ZNF836: variants seen among roughly 807,000 people sequenced by gnomAD.
ZNF836 encodes zinc finger protein 836.
In ZNF836, 12 loss-of-function variants were observed where a neutral mutation model predicts 7.4. The ratio of observed to expected loss-of-function variants is 1.61; its 90% confidence interval spans 1.03 to 2.61. ZNF836 has a LOEUF of 2.61. Among genes scored for constraint, ZNF836 ranks in the 30% most tolerant of loss-of-function variants. The probability of loss-of-function intolerance (pLI) is 0.00; values close to 1 mark genes in which losing one functional copy is unlikely to be tolerated. For missense variants in ZNF836, 998 were observed against 1,126.2 expected, an observed-to-expected ratio of 0.89 and a Z score of 1.63; for synonymous variants, 365 against 382.6, an observed-to-expected ratio of 0.95 and a Z score of 0.54.
chr19:52,166,050 GGT>G (rs1262251666), intron 3 of ZNF836, among the ~76,000 whole-genome samples: 24 of 152,090 alleles, frequency 1.6e-4, no homozygotes, highest in African/African-American at 4.6e-4. Context: ...GGAGTGCAAT[GGT>G]GCAATCTCAG....
intron 3 of ZNF836, among the ~76,000 whole-genome samples, chr19:52,166,740 AT>A (rs942166043): frequency 0.027 from 3,878 of 144,600 alleles, 154 homozygotes; most frequent in African/African-American, 0.09. Flanking sequence ...CGCCCAGCTA[AT>A]TTTTTTTTTT....
intron 3 of ZNF836, among the ~76,000 whole-genome samples, chr19:52,166,343 C>A (rs111377561): frequency 6.3e-4 from 95 of 151,990 alleles, no homozygotes; most frequent in African/African-American, 2.2e-3. Flanking sequence ...TGAAATGTTT[C>A]CTTGATGCCC....
chr19:52,154,871 A>G lies in ZNF836; in HGVS notation c.*1T>C. Reference sequence around the variant, plus strand: ...ATACAAGCTATATCAATAAGTATGAATTATTTGAACCCAGAAGTTAGGAGA... The same window carrying G: ...ATACAAGCTATATCAATAAGTATGAGTTATTTGAACCCAGAAGTTAGGAGA... On this transcript the variant is annotated 3_prime_UTR_variant, in exon 5 of 5. Coordinates refer to ENST00000682614, the MANE Select transcript of ZNF836 (RefSeq NM_001102657.3). 1 of 1,510,390 alleles carries G rather than the reference A, an allele frequency of 6.6e-7. No homozygotes were observed. Among genetic ancestry groups the G allele is most frequent in the African/African-American group, 1.4e-5 (1 of 71,740 alleles). 93.6% of individuals were successfully genotyped at this position (1,510,390 alleles called of 1,614,324 possible).
In ZNF836 at chr19:52,156,266, T is replaced by A. The variant is rs770409703; in HGVS notation, c.1417A>T (p.Asn473Tyr). ...SHTGEKPYKC[N>Y]ECGKVFSQTS... ...TGACTGAAGACCTTGCCACATTCAT[T>A]GCATTTGTAAGGTTTCTCTCCAGTA... is the stretch of plus-strand genomic sequence containing the variant. Residue 473 changes from asparagine to tyrosine, a missense_variant, in exon 5 of 5, where the codon AAT becomes TAT. Physicochemically the swap from Asn to Tyr is moderately radical, Grantham distance 143 (BLOSUM62 -2). Coordinates refer to ENST00000682614, the MANE Select transcript of ZNF836 (RefSeq NM_001102657.3). The A allele has an allele frequency of 1.2e-6, 2 of 1,613,758 alleles. No individual in the cohort carries two copies. Among genetic ancestry groups the A allele is most frequent in the African/African-American group, 2.7e-5 (2 of 74,844 alleles).
At position 52,155,942 on chromosome 19, in the gene ZNF836, G is replaced by A. The variant is rs767831643; in HGVS notation, c.1741C>T (p.Pro581Ser). ...IHKRIHTGEK[P>S]FQCNECGTVF... is the part of the protein sequence containing the mutation. ...GTGCCACATTCATTACATTGGAAAG[G>A]TTTCTCTCCCGTATGTATTCTCTTA... Residue 581 changes from proline (P) to serine (S), a missense_variant, in exon 5 of 5, where the codon CCT becomes TCT. Coordinates refer to ENST00000682614, the MANE Select transcript of ZNF836 (RefSeq NM_001102657.3). 6.2e-7 allele frequency: 1 copy of A among 1,613,918 alleles called. No homozygotes were observed. The highest frequency in any genetic ancestry group is 1.7e-5 in the Admixed American group (1 of 60,004).
Position 52,155,291 on chromosome 19 carries a change from T to G in ZNF836, c.2392A>C (p.Ser798Arg). The G allele has an allele frequency of 1.2e-6, 2 of 1,613,884 alleles. No individual in the cohort carries two copies. The highest frequency in any genetic ancestry group is 1.1e-5 in the South Asian group (1 of 91,078). The change falls in exon 5 of 5, where the codon AGT (serine) becomes CGT (arginine). Residue 798 changes from serine to arginine, a missense_variant. Ser to Arg is a moderately radical substitution (Grantham distance 110). Transcript: ENST00000682614. ...RHQSTLARHR[S>R]IHTGEKPYVC... ...TAAGGTTTCTCTCCAGTATGAATACTCCGATGACGTGCTAGTGTTGATTGA... is the reference window on the plus strand; with the variant it reads ...TAAGGTTTCTCTCCAGTATGAATACGCCGATGACGTGCTAGTGTTGATTGA...
chr19:52,157,514 C>T lies in ZNF836; in HGVS notation c.169G>A (p.Glu57Lys). 6.5e-7 allele frequency: 1 copy of T among 1,539,282 alleles called. No homozygotes were observed. The highest frequency in any genetic ancestry group is 8.7e-7 in the Non-Finnish European group (1 of 1,149,536). The change falls in exon 5 of 5, where the codon GAA becomes AAA. Residue 57 changes from glutamate to lysine, a missense_variant. Physicochemically the swap from Glu to Lys is moderately conservative, Grantham distance 56. Coordinates refer to ENST00000682614, the MANE Select transcript of ZNF836 (RefSeq NM_001102657.3). ...TTACTGTTCCCTATTGGTGGTAATT[C>T]CTTGGTCATACATTTAGGAAGGATA... ...LGILPKCMTK[E>K]LPPIGNSNTG...
Position 52,154,861 on chromosome 19 carries a change from ATAAG to A in ZNF836, c.*7_*10del, listed in dbSNP as rs1568568194. The A allele has an allele frequency of 6.7e-7, 1 of 1,499,530 alleles. No individual in the cohort carries two copies. 92.9% of individuals were successfully genotyped at this position (1,499,530 alleles called of 1,614,324 possible). On this transcript the variant is annotated 3_prime_UTR_variant, in exon 5 of 5. Coordinates refer to ENST00000682614, the MANE Select transcript of ZNF836 (RefSeq NM_001102657.3). ...AGTGACAAATATACAAGCTATATCA[ATAAG>A]TATGAATTATTTGAACCCAGAAGTT...
At position 52,168,138 on chromosome 19, in the gene ZNF836, C is replaced by G; in HGVS notation, c.-66G>C. ...TCTCTCTCAGTCAATATAATTAATT[C>G]TTTACAAGTCAAATCTGAAAGTGAA... On this transcript the variant is annotated 5_prime_UTR_variant, in exon 3 of 5. Coordinates refer to ENST00000682614, the MANE Select transcript of ZNF836 (RefSeq NM_001102657.3). 1.3e-6 allele frequency: 2 copies of G among 1,574,584 alleles called. No homozygotes were observed. The highest frequency in any genetic ancestry group is 4.0e-5 in the Admixed American group (2 of 50,182).
At position 52,155,569 on chromosome 19, in the gene ZNF836, T is replaced by C; in HGVS notation, c.2114A>G (p.Gln705Arg). Residue 705 changes from glutamine to arginine, a missense_variant, in exon 5 of 5, where the codon CAA becomes CGA. Gln to Arg is a conservative substitution (Grantham distance 43, BLOSUM62 1). Transcript: ENST00000682614. Reference protein sequence around the residue: ...NCNEFGGAFIQSSKLARYHRN... With the variant: ...NCNEFGGAFIRSSKLARYHRN... ...GTGATATCTTGCAAGTTTTGAACTTTGGATAAATGCCCCTCCAAACTCATT... is the reference window on the plus strand; with the variant it reads ...GTGATATCTTGCAAGTTTTGAACTTCGGATAAATGCCCCTCCAAACTCATT... 6.2e-7 allele frequency: 1 copy of C among 1,614,006 alleles called. No individual in the cohort carries two copies. The highest frequency in any genetic ancestry group is 8.5e-7 in the Non-Finnish European group (1 of 1,179,898).
At chr19:52,157,799 G>C (rs1408412852) in intron 4 of ZNF836, among the ~76,000 whole-genome samples, 1 of 152,070 alleles carries the variant, frequency 6.6e-6, no homozygotes, top group Non-Finnish European at 1.5e-5. Flanking sequence ...TCGAACTCCT[G>C]ACCTCGTGAT....
At chr19:52,170,720 T>A (rs151038815) in intron 1 of ZNF836, among the ~76,000 whole-genome samples, 49 of 152,296 alleles carry the variant, frequency 3.2e-4, no homozygotes, top group African/African-American at 1.2e-3. Flanking sequence ...TTTTGCCGTG[T>A]ATTTATGGGT....
Position 52,157,203 on chromosome 19 carries a change from T to A in ZNF836, c.480A>T (p.Lys160Asn). The change falls in exon 5 of 5, where the codon AAA (lysine) becomes AAT (asparagine). Residue 160 changes from lysine (K) to asparagine (N), a missense_variant. Coordinates refer to ENST00000682614, the MANE Select transcript of ZNF836 (RefSeq NM_001102657.3). ...TCTCAGATTGGTTACACTCATAAAT[T>A]TTCCCTTCAGTTTGAAATTTCTGCA... ...TELQKFQTEG[K>N]IYECNQSEKT... The A allele has an allele frequency of 1.2e-6, 2 of 1,612,320 alleles. No homozygotes were observed. Among genetic ancestry groups the A allele is most frequent in the South Asian group, 2.2e-5 (2 of 90,924 alleles).
rs1279922910 is a variant in ZNF836, at chr19:52,169,755, T to G, written c.-188A>C. On this transcript the variant is annotated 5_prime_UTR_variant, in exon 2 of 5. Transcript: ENST00000682614. ...CTGCAGTGAGCGGAGATCATGGCAC[T>G]GTACTCTAGTCTGACAGAGCAAGAC... 1.3e-5 allele frequency: 2 copies of G among 150,186 alleles called. No individual in the cohort carries two copies. The highest frequency in any genetic ancestry group is 4.9e-5 in the African/African-American group (2 of 40,590). The allele number at this position is 150,186 out of a possible 1,614,324, so 9.3% of individuals were successfully genotyped here. A position where few individuals can be genotyped will look rare whatever the true frequency, so the allele number is the denominator to read the frequency against.
At chr19:52,164,031 A>AGAAGGAAGGAAGGAAGGAAG (rs1042875086) in intron 3 of ZNF836, among the ~76,000 whole-genome samples, 1 of 143,630 alleles carries the variant, frequency 7.0e-6, no homozygotes, top group Non-Finnish European at 1.5e-5. Context: ...GAAAAGAAAA[A>AGAAGGAAGGAAGGAAGGAAG]GAAGGAAGGA....
intron 3 of ZNF836, among the ~76,000 whole-genome samples, chr19:52,164,606 CA>C (rs2089245889): frequency 6.6e-6 from 1 of 151,904 alleles, no homozygotes. Flanking sequence ...TCAGTGAACT[CA>C]AAGGGGATTT....
chr19:52,158,576 C>G (rs2089186830), intron 4 of ZNF836, among the ~76,000 whole-genome samples: 1 of 151,896 alleles, frequency 6.6e-6, no homozygotes, highest in Admixed American at 6.6e-5. Flanking sequence ...AACCCCGTCT[C>G]TACTAAAAAT....
chr19:52,168,232 C>A (rs1449025191), intron 2 of ZNF836, 80 bp from the exon 3 acceptor site: 8 of 893,000 alleles, frequency 9.0e-6, no homozygotes, highest in Non-Finnish European at 1.0e-5. Flanking sequence ...ACAGGGAAGA[C>A]CTCAGCATGT....
chr19:52,160,979 G>C (rs1245077594), intron 3 of ZNF836, among the ~76,000 whole-genome samples: 1 of 152,216 alleles, frequency 6.6e-6, no homozygotes, highest in African/African-American at 2.4e-5. Flanking sequence ...ACTAAAAACT[G>C]TGATGACCAC....
Sources: allele counts gnomAD v4.1 joint callset (sites outside exome capture counted in the v4.1 genomes callset), GRCh38; gene constraint gnomAD v4.1.1; transcripts MANE v1.5; gene names NCBI Gene and HGNC (gene_info 2026-07-23, HGNC 2026-07-21).